Variants in SCRN1 observed in about 807,000 individuals in gnomAD.
SCRN1 encodes the protein secernin 1, also known as secernin-1.
SCRN1 carries 19 observed loss-of-function variants against 43.3 expected under a neutral mutation model. The observed-to-expected ratio is 0.44, with a 90% CI of 0.31 to 0.64. The LOEUF is 0.64. Ranked by LOEUF, SCRN1 falls within the 30% of genes least tolerant of loss-of-function variation. SCRN1 has a pLI of 0.09. For synonymous variants in SCRN1, 183 were observed against 188.9 expected (o/e 0.97, Z 0.26); for missense variants, 447 against 524.1 (o/e 0.85, Z 1.44).
At chr7:29,959,224 A>C (rs1301231937) in intron 2 of SCRN1, among the ~76,000 whole-genome samples, 3 of 152,174 alleles carry the variant, frequency 2.0e-5, no homozygotes, top group Admixed American at 6.5e-5. Context: ...TGGTGAACAC[A>C]ACCCTGGCAC....
At chr7:29,935,565 C>G (rs1168476189) in intron 6 of SCRN1, among the ~76,000 whole-genome samples, 1 of 152,200 alleles carries the variant, frequency 6.6e-6, no homozygotes, top group Non-Finnish European at 1.5e-5. Context: ...TCAGACTTAC[C>G]TGACAGATTC....
intron 6 of SCRN1, among the ~76,000 whole-genome samples, chr7:29,934,223 T>C (rs1411388125): frequency 6.6e-6 from 1 of 152,248 alleles, no homozygotes; most frequent in Non-Finnish European, 1.5e-5. Flanking sequence ...ATAATTTTCT[T>C]TTAAAAGTAC....
chr7:29,936,653 C>CA lies in SCRN1; in HGVS notation c.807dup (p.Glu270Ter), dbSNP rs756052729. On this transcript the variant is annotated frameshift_variant, in exon 6 of 8. Transcript: ENST00000242059. LOFTEE classifies it high-confidence loss of function. ...CCACTGGCTGTGGTGAGGAAAAACT[C>CA]AGAGTCTATGCACACTCCGCTGGCT... is the stretch of plus-strand genomic sequence containing the variant. 3 of 1,607,902 alleles carry CA rather than the reference C, an allele frequency of 1.9e-6. No homozygotes were observed. Among genetic ancestry groups the CA allele is most frequent in the East Asian group, 2.2e-5 (1 of 44,656 alleles).
chr7:29,928,714 G>C (rs1169976539), intron 6 of SCRN1, among the ~76,000 whole-genome samples: 1 of 152,044 alleles, frequency 6.6e-6, no homozygotes, highest in East Asian at 1.9e-4. Context: ...ACCCCCTAAA[G>C]ACATAGGGGA....
chr7:29,944,229 T>C (rs143930515), intron 3 of SCRN1, 50 bp from the exon 4 acceptor site: 364 of 1,566,596 alleles, frequency 2.3e-4, no homozygotes, highest in African/African-American at 1.3e-3. Context: ...TACCACAGGA[T>C]TGTTACTAGA....
intron 2 of SCRN1, among the ~76,000 whole-genome samples, chr7:29,964,232 A>G (rs1464729351): frequency 6.6e-6 from 1 of 152,252 alleles, no homozygotes; most frequent in Admixed American, 6.5e-5. Context: ...TATAGCAGCT[A>G]TGTTCATAAC....
intron 1 of SCRN1, among the ~76,000 whole-genome samples, chr7:29,982,744 T>G (rs1349810648): frequency 2.7e-5 from 4 of 149,940 alleles, no homozygotes; most frequent in Non-Finnish European, 3.0e-5. Context: ...CAGGGTTGTA[T>G]AATTAATACG....
intron 1 of SCRN1, among the ~76,000 whole-genome samples, chr7:29,980,510 T>C (rs1198322093): frequency 6.6e-6 from 1 of 152,234 alleles, no homozygotes; most frequent in East Asian, 1.9e-4. Flanking sequence ...ATGTACTTTG[T>C]TAACTCTGTA....
chr7:29,960,396 A>G (rs1272780785), intron 2 of SCRN1, among the ~76,000 whole-genome samples: 1 of 152,130 alleles, frequency 6.6e-6, no homozygotes, highest in Non-Finnish European at 1.5e-5. Context: ...AATTTAAGCT[A>G]ATTTGAAAAA....
chr7:29,927,226 G>C (rs936627014), intron 6 of SCRN1, among the ~76,000 whole-genome samples: 1 of 152,168 alleles, frequency 6.6e-6, no homozygotes, highest in African/African-American at 2.4e-5. Context: ...GGGCACAGCA[G>C]GTAGCTAATG....
In SCRN1 at chr7:29,944,094, A is replaced by G. The variant is rs761948383; in HGVS notation, c.427T>C (p.Tyr143His). 6.2e-6 allele frequency: 10 copies of G among 1,614,116 alleles called. No homozygotes were observed. In the East Asian group the frequency reaches 2.2e-4, roughly 36 times the overall value. Residue 143 changes from tyrosine to histidine, a missense_variant, in exon 4 of 8, where the codon TAC becomes CAC. Transcript: ENST00000242059. ...TGGCAGGAGTTTGCATCTTCAAAGT[A>G]ATTCCCACCTTGTCCATGTTCTTCC... ...LLEEHGQGGNYFEDANSCHSF... is the reference protein window; with the variant it reads ...LLEEHGQGGNHFEDANSCHSF...
intron 1 of SCRN1, among the ~76,000 whole-genome samples, chr7:29,970,767 T>G (rs1186522694): frequency 2.0e-5 from 3 of 152,232 alleles, no homozygotes; most frequent in African/African-American, 7.2e-5. Flanking sequence ...CCTCTGCACC[T>G]GGCTTGAATG....
At chr7:29,955,578 C>T (rs559461283) in intron 2 of SCRN1, among the ~76,000 whole-genome samples, 1 of 152,330 alleles carries the variant, frequency 6.6e-6, no homozygotes, top group East Asian at 1.9e-4. Flanking sequence ...TCCTGGTGCT[C>T]ACGTAATAGG....
intron 2 of SCRN1, among the ~76,000 whole-genome samples, chr7:29,966,850 A>G (rs912491697): frequency 1.3e-5 from 2 of 152,190 alleles, no homozygotes; most frequent in African/African-American, 4.8e-5. Context: ...AAATTCATGT[A>G]AAGTAAGCAG....
intron 2 of SCRN1, among the ~76,000 whole-genome samples, chr7:29,955,992 A>C (rs1042590013): frequency 1.3e-5 from 2 of 152,208 alleles, no homozygotes; most frequent in African/African-American, 4.8e-5. Flanking sequence ...AGTCCCATGG[A>C]GGTGCATCTC....
intron 2 of SCRN1, among the ~76,000 whole-genome samples, chr7:29,962,803 T>C (rs1490904556): frequency 2.0e-5 from 3 of 152,216 alleles, no homozygotes; most frequent in African/African-American, 7.2e-5. Flanking sequence ...AAAAAGTCTG[T>C]ATTTTAATAG....
At position 29,921,450 on chromosome 7, in the gene SCRN1, A is replaced by G. The variant is rs1786754129; in HGVS notation, c.*2507T>C. The G allele has an allele frequency of 6.6e-6, 1 of 152,244 alleles. No individual in the cohort carries two copies. Among genetic ancestry groups the G allele is most frequent in the Non-Finnish European group, 1.5e-5 (1 of 68,040 alleles). The allele number at this position is 152,244 out of a possible 1,614,324, so 9.4% of individuals were successfully genotyped here. A position where few individuals can be genotyped will look rare whatever the true frequency, so the allele number is the denominator to read the frequency against. On this transcript the variant is annotated 3_prime_UTR_variant, in exon 8 of 8. Coordinates refer to ENST00000242059, the MANE Select transcript of SCRN1 (RefSeq NM_014766.5). ...TATTTCCAGCTGTTAATATAAGTAC[A>G]TAAAGTCACTAAAAGTAAGCGCAGC...
In SCRN1 at chr7:29,922,423, T is replaced by G. The variant is rs1229843425; in HGVS notation, c.*1534A>C. On this transcript the variant is annotated 3_prime_UTR_variant, in exon 8 of 8. Coordinates refer to ENST00000242059, the MANE Select transcript of SCRN1 (RefSeq NM_014766.5). ...TGATACAGCTTCTGGGAAGGAGTTA[T>G]TAACCCTGTCACTTCCCAGATTGCT... 4 of 152,244 alleles carry G rather than the reference T, an allele frequency of 2.6e-5. No individual in the cohort carries two copies. Among genetic ancestry groups the G allele is most frequent in the African/African-American group, 9.6e-5 (4 of 41,460 alleles). 9.4% of individuals were successfully genotyped at this position (152,244 alleles called of 1,614,324 possible). A position where few individuals can be genotyped will look rare whatever the true frequency, so the allele number is the denominator to read the frequency against.
intron 5 of SCRN1, among the ~76,000 whole-genome samples, chr7:29,939,974 A>G (rs1463742008): frequency 1.3e-5 from 2 of 149,188 alleles, no homozygotes; most frequent in Non-Finnish European, 3.0e-5. Flanking sequence ...ACAAAATGAG[A>G]CCCTGTCTCT....
Sources: gnomAD v4.1 joint callset for allele counts (sites outside exome capture counted in the v4.1 genomes callset) on GRCh38, gnomAD v4.1.1 for gene constraint, MANE v1.5 for transcripts, NCBI Gene and HGNC (gene_info 2026-07-23, HGNC 2026-07-21) for gene names.